PDE10A: variants seen among roughly 807,000 people sequenced by gnomAD.
The protein encoded by PDE10A is phosphodiesterase 10A.
Under a neutral mutation model 97.7 loss-of-function variants are expected in PDE10A, and 39 were observed. The observed-to-expected ratio is 0.40, with a 90% CI of 0.31 to 0.52. PDE10A has a LOEUF of 0.52. PDE10A is among the 20% of genes least tolerant of loss of function. The probability of loss-of-function intolerance (pLI) is 0.56; values close to 1 mark genes in which losing one functional copy is unlikely to be tolerated. For missense variants in PDE10A, 731 were observed against 1,047.8 expected, an observed-to-expected ratio of 0.70 and a Z score of 4.17; for synonymous variants, 371 against 376.8, an observed-to-expected ratio of 0.98 and a Z score of 0.18.
At chr6:165,835,031 C>T (rs115716106) in intron 1 of PDE10A, among the ~76,000 whole-genome samples, 232 of 152,258 alleles carry the variant, frequency 1.5e-3, no homozygotes, top group African/African-American at 5.2e-3. Flanking sequence ...TCCAGCTTTT[C>T]GGAGCACGTG....
chr6:165,952,133 C>T (rs1426131297), intron 1 of PDE10A, among the ~76,000 whole-genome samples: 2 of 152,218 alleles, frequency 1.3e-5, no homozygotes, highest in Non-Finnish European at 2.9e-5. Flanking sequence ...TAATACGTGC[C>T]CAGCTAGGGT....
intron 1 of PDE10A, among the ~76,000 whole-genome samples, chr6:165,676,083 G>A (rs774239536): frequency 1.3e-5 from 2 of 152,136 alleles, no homozygotes; most frequent in Non-Finnish European, 2.9e-5. Flanking sequence ...TGCAGCAACC[G>A]GGGTGAAACT....
At chr6:165,677,469 G>T (rs1030558156) in intron 1 of PDE10A, among the ~76,000 whole-genome samples, 3 of 152,186 alleles carry the variant, frequency 2.0e-5, no homozygotes, top group Non-Finnish European at 1.5e-5. Context: ...AGCCTTGTTG[G>T]ATTAAAATAT....
At chr6:165,663,859 C>G (rs907844655), upstream of PDE10A, among the ~76,000 whole-genome samples, 1 of 152,222 alleles carries the variant, frequency 6.6e-6, no homozygotes, top group Non-Finnish European at 1.5e-5. Flanking sequence ...CCCCCACCCC[C>G]TTCCGTAGCC....
At chr6:165,411,193 G>A (rs1787795792) in intron 13 of PDE10A, among the ~76,000 whole-genome samples, 1 of 150,524 alleles carries the variant, frequency 6.6e-6, no homozygotes, top group Non-Finnish European at 1.5e-5. Flanking sequence ...AGTTCCAGAT[G>A]AAAGGAGACT....
At chr6:165,596,619 A>G (rs532908520) in intron 1 of PDE10A, among the ~76,000 whole-genome samples, 2 of 152,258 alleles carry the variant, frequency 1.3e-5, no homozygotes, top group Non-Finnish European at 2.9e-5. Flanking sequence ...AGTCCCAACT[A>G]CTTGAGAGGC....
At chr6:165,748,538 C>G (rs1456795430) in intron 1 of PDE10A, among the ~76,000 whole-genome samples, 1 of 152,176 alleles carries the variant, frequency 6.6e-6, no homozygotes, top group Non-Finnish European at 1.5e-5. Flanking sequence ...TCTGCTAACA[C>G]TACTGTTATT....
rs1790300117 is a variant in PDE10A, at chr6:165,662,090, CCGCCGCCTGGGCCGG to C, written c.707_721del (p.Ala236_Gly240del). The C allele has an allele frequency of 8.2e-7, 1 of 1,221,430 alleles. No homozygotes were observed. The highest frequency in any genetic ancestry group is 1.0e-6 in the Non-Finnish European group (1 of 970,286). The allele number at this position is 1,221,430 out of a possible 1,614,324, so 75.7% of individuals were successfully genotyped here. On this transcript the variant is annotated inframe_deletion, in exon 1 of 22. Coordinates refer to ENST00000539869, the MANE Select transcript of PDE10A (RefSeq NM_001385079.1). ...CTGGGGACGCCGCGGAGTTTGGCCGCCGCCGCCTGGGCCGGCGCCGGGGAAGCCGGGGGAGCCCGC... is the reference window on the plus strand; with the variant it reads ...CTGGGGACGCCGCGGAGTTTGGCCGCCGCCGGGGAAGCCGGGGGAGCCCGC...
intron 1 of PDE10A, among the ~76,000 whole-genome samples, chr6:165,956,391 C>A (rs1784135254): frequency 1.3e-5 from 2 of 152,136 alleles, no homozygotes; most frequent in Non-Finnish European, 2.9e-5. Context: ...TTTGTGGTTT[C>A]TTATGGTTTA....
chr6:165,877,055 T>C (rs1426395671), intron 1 of PDE10A, among the ~76,000 whole-genome samples: 2 of 152,236 alleles, frequency 1.3e-5, no homozygotes, highest in African/African-American at 4.8e-5. Context: ...GTAGCAAGCA[T>C]GCCTGGTGTT....
chr6:165,603,727 G>A (rs781376144), intron 1 of PDE10A, among the ~76,000 whole-genome samples: 1 of 152,218 alleles, frequency 6.6e-6, no homozygotes, highest in Non-Finnish European at 1.5e-5. Context: ...ACCCCTAATG[G>A]TATTGAAAAT....
chr6:165,646,272 C>G (rs2128422698), intron 1 of PDE10A, among the ~76,000 whole-genome samples: 1 of 152,318 alleles, frequency 6.6e-6, no homozygotes, highest in South Asian at 2.1e-4. Flanking sequence ...TTTCTTGTCT[C>G]TTTTTATGTT....
At chr6:165,371,266 T>C (rs1255618708) in intron 18 of PDE10A, among the ~76,000 whole-genome samples, 144 of 151,390 alleles carry the variant, frequency 9.5e-4, no homozygotes, top group Middle Eastern at 3.4e-3. Context: ...ACAAAAAACA[T>C]TTCAAAAAAT....
chr6:165,853,579 G>GT (rs1780631458), intron 1 of PDE10A, among the ~76,000 whole-genome samples: 1 of 152,120 alleles, frequency 6.6e-6, no homozygotes, highest in South Asian at 2.1e-4. Context: ...GCTTTCACCT[G>GT]TAAGGAATCA....
intron 15 of PDE10A, among the ~76,000 whole-genome samples, chr6:165,394,494 T>C (rs923406861): frequency 1.3e-5 from 2 of 152,154 alleles, no homozygotes; most frequent in African/African-American, 4.8e-5. Context: ...TGGTTCCAAG[T>C]CTTTGCTATT....
chr6:165,605,544 A>T (rs1339152094), intron 1 of PDE10A, among the ~76,000 whole-genome samples: 1 of 152,146 alleles, frequency 6.6e-6, no homozygotes, highest in Non-Finnish European at 1.5e-5. Flanking sequence ...TAAGAACTCA[A>T]GTCAAACACC....
At chr6:165,337,542 T>G (rs899202346) in intron 20 of PDE10A, among the ~76,000 whole-genome samples, 1 of 152,212 alleles carries the variant, frequency 6.6e-6, no homozygotes, top group Admixed American at 6.5e-5. Context: ...ACAGATGTCA[T>G]GGGGCACAAG....
At chr6:165,727,677 T>A (rs1457699173) in intron 1 of PDE10A, among the ~76,000 whole-genome samples, 1 of 152,148 alleles carries the variant, frequency 6.6e-6, no homozygotes, top group Non-Finnish European at 1.5e-5. Context: ...AGCCAGGAGA[T>A]CAAAAGTAAT....
chr6:165,388,192 G>T lies in PDE10A; in HGVS notation c.2610+106C>A. 1.1e-6 allele frequency: 1 copy of T among 938,688 alleles called. No individual in the cohort carries two copies. The allele number at this position is 938,688 out of a possible 1,614,324, so 58.1% of individuals were successfully genotyped here. A position where few individuals can be genotyped will look rare whatever the true frequency, so the allele number is the denominator to read the frequency against. On this transcript the variant is annotated intron_variant, in intron 17 of 21. Transcript: ENST00000539869. The surrounding 1 kb of genome is among the most constrained non-coding windows in gnomAD (Gnocchi z 4.0). ...TAAGGTTCTACAATAAAAAGTAGCT[G>T]TTGCTTTTAAGGAAGCCATAATGAT...
Sources: gnomAD v4.1 joint callset for allele counts (sites outside exome capture counted in the v4.1 genomes callset) on GRCh38, gnomAD v4.1.1 for gene constraint, Gnocchi (gnomAD v3.1) non-coding constraint, MANE v1.5 for transcripts, NCBI Gene and HGNC (gene_info 2026-07-23, HGNC 2026-07-21) for gene names.